Variants in DCAF4 observed in about 807,000 individuals in gnomAD.
The protein encoded by DCAF4 is DDB1 and CUL4 associated factor 4.
A neutral mutation model predicts 60.9 loss-of-function variants in DCAF4; 37 were observed. The ratio of observed to expected loss-of-function variants is 0.61; its 90% confidence interval spans 0.47 to 0.80. The LOEUF (loss-of-function observed/expected upper bound fraction) is 0.80. Ranked by LOEUF, DCAF4 falls within the 30% of genes least tolerant of loss-of-function variation. The pLI, the probability that DCAF4 is intolerant of heterozygous loss-of-function variation, is 0.00. For synonymous variants in DCAF4, 243 were observed against 254.8 expected (o/e 0.95, Z 0.44); for missense variants, 577 against 650.0 (o/e 0.89, Z 1.22).
At position 72,927,319 on chromosome 14, in the gene DCAF4, G is replaced by A. The variant is rs573764913; in HGVS notation, c.-9+776G>A. On this transcript the variant is annotated intron_variant, in intron 1 of 13. Transcript: ENST00000358377. ...CCAAACTCTGATTTTAAATAACGAT[G>A]GAAATTAGAGTCGCGGTGGTGTTCT... Among the ~76,000 whole-genome samples, 8 of 148,506 alleles carry A rather than the reference G, an allele frequency of 5.4e-5. No homozygotes were observed. In the East Asian group the frequency reaches 1.6e-3, roughly 30 times the overall value.
intron 9 of DCAF4, among the ~76,000 whole-genome samples, chr14:72,953,639 G>C (rs1211603956): frequency 7.0e-6 from 1 of 143,240 alleles, no homozygotes; most frequent in Non-Finnish European, 1.5e-5. Context: ...GAGCCTGGGA[G>C]GTTGAGGATG....
At chr14:72,952,848 C>T (rs369035983) in intron 9 of DCAF4, among the ~76,000 whole-genome samples, 1 of 151,434 alleles carries the variant, frequency 6.6e-6, no homozygotes, top group African/African-American at 2.4e-5. Flanking sequence ...GCGCACACCA[C>T]CACGCCCGGC....
chr14:72,929,820 G>T, intron 1 of DCAF4: 1 of 1,209,868 alleles, frequency 8.3e-7, no homozygotes, highest in Non-Finnish European at 1.2e-6. Flanking sequence ...CTACAAACTT[G>T]GTGCGTTTGC....
downstream of DCAF4, chr14:72,960,577 T>C: frequency 9.5e-7 from 1 of 1,049,632 alleles, no homozygotes; most frequent in Middle Eastern, 2.8e-4. Flanking sequence ...CAGTCTTCTG[T>C]ATTCTCTTTC....
rs758319103 is a variant in DCAF4, at chr14:72,956,417, G to A, written c.1211G>A (p.Cys404Tyr). ...CTGTGGGACCTGAGGACCACGAAGTGCGTAAGGCAGTACGAAGGCCACGTG... is the reference window on the plus strand; with the variant it reads ...CTGTGGGACCTGAGGACCACGAAGTACGTAAGGCAGTACGAAGGCCACGTG... ...IKLWDLRTTKCVRQYEGHVNE... is the reference protein window; with the variant it reads ...IKLWDLRTTKYVRQYEGHVNE... Residue 404 changes from cysteine (C) to tyrosine (Y), a missense_variant, in exon 13 of 14, where the codon TGC (cysteine) becomes TAC (tyrosine). By Grantham distance (194) the Cys-to-Tyr change is radical. Transcript: ENST00000358377. 3 of 1,613,074 alleles carry A rather than the reference G, an allele frequency of 1.9e-6. No individual in the cohort carries two copies. Among genetic ancestry groups the A allele is most frequent in the Non-Finnish European group, 8.5e-7 (1 of 1,179,512 alleles).
intron 2 of DCAF4, among the ~76,000 whole-genome samples, chr14:72,939,080 G>A (rs1269461454): frequency 6.6e-6 from 1 of 152,104 alleles, no homozygotes; most frequent in African/African-American, 2.4e-5. Context: ...TGGGCCGGGT[G>A]TGGTGGCTGA....
chr14:72,937,821 C>A, intron 1 of DCAF4, 150 bp from the exon 2 acceptor site: 1 of 1,233,128 alleles, frequency 8.1e-7, no homozygotes, highest in Non-Finnish European at 1.1e-6. Context: ...CAGCCCTTCC[C>A]AGGTAAGGCT....
chr14:72,954,437 C>G lies in DCAF4; in HGVS notation c.959C>G (p.Ser320Cys). Residue 320 changes from serine (S) to cysteine (C), a missense_variant, in exon 11 of 14, where the codon TCC becomes TGC. By Grantham distance (112) the Ser-to-Cys change is moderately radical. Transcript: ENST00000358377. Reference sequence around the variant, plus strand: ...AACGTGGTGACGGGACACCGGCAGTCCTTTGGGACCAACAGTGATGTCTTG... The same window carrying G: ...AACGTGGTGACGGGACACCGGCAGTGCTTTGGGACCAACAGTGATGTCTTG... ...LTNVVTGHRQ[S>C]FGTNSDVLAQ... 6.2e-7 allele frequency: 1 copy of G among 1,614,210 alleles called. No individual in the cohort carries two copies.
intron 1 of DCAF4, chr14:72,926,775 C>G (rs1255382532): frequency 6.6e-6 from 1 of 152,362 alleles, no homozygotes; most frequent in Non-Finnish European, 1.5e-5. Flanking sequence ...CGGATCAGTG[C>G]TGCAACCGTA....
At chr14:72,927,343 CTTTTTTTTTTTTTTTTTTT>C (rs547199942) in intron 1 of DCAF4, among the ~76,000 whole-genome samples, 1 of 87,354 alleles carries the variant, frequency 1.1e-5, no homozygotes, top group East Asian at 3.4e-4. Context: ...CGGTGGTGTT[CTTTTTTTTTTTTTTTTTTT>C]TTTTTTTTTG....
intron 1 of DCAF4, among the ~76,000 whole-genome samples, chr14:72,928,144 G>A (rs1259106518): frequency 7.3e-6 from 1 of 137,428 alleles, no homozygotes; most frequent in Non-Finnish European, 1.5e-5. Context: ...AGTGGCGTTA[G>A]CGTTTTGCAC....
intron 1 of DCAF4, among the ~76,000 whole-genome samples, chr14:72,937,584 C>G (rs1277924456): frequency 1.3e-5 from 2 of 151,872 alleles, no homozygotes; most frequent in Non-Finnish European, 2.9e-5. Flanking sequence ...CAACTCCCGG[C>G]TAATTTTTGT....
At position 72,951,295 on chromosome 14, in the gene DCAF4, T is replaced by C. The variant is rs535510889; in HGVS notation, c.729-503T>C. Among the ~76,000 whole-genome samples, 417 of 152,254 alleles carry C rather than the reference T, an allele frequency of 2.7e-3. 3 individuals are homozygous for C. Among genetic ancestry groups the C allele is most frequent in the African/African-American group, 8.7e-3 (363 of 41,550 alleles). On this transcript the variant is annotated intron_variant, in intron 8 of 13. Coordinates refer to ENST00000358377, the MANE Select transcript of DCAF4 (RefSeq NM_015604.4). ...ACCACACCCAGCTTTTAACTATATC[T>C]GATTTGTTTTTCCCTTTAAAAAACA...
Position 72,941,819 on chromosome 14 carries a change from C to G in DCAF4, c.426C>G (p.Tyr142Ter). The G allele has an allele frequency of 6.2e-7, 1 of 1,613,982 alleles. No homozygotes were observed. ...TGGGTTTTCTCAACGTCACCAATTA[C>G]TGCCAGTAAGACAATGCCTCTTTGT... Reference protein sequence around the residue: ...SQLGFLNVTNYCHLAHELRLS... With the variant: ...SQLGFLNVTN Residue 142 changes from tyrosine (Y) to a stop codon, truncating the protein, a stop_gained, in exon 5 of 14, where the codon TAC becomes TAG. Coordinates refer to ENST00000358377, the MANE Select transcript of DCAF4 (RefSeq NM_015604.4). LOFTEE classifies it high-confidence loss of function.
intron 9 of DCAF4, among the ~76,000 whole-genome samples, chr14:72,953,732 AATATATATATATATATATATAT>A (rs71109769): frequency 1.4e-4 from 3 of 21,778 alleles, no homozygotes; most frequent in African/African-American, 7.0e-4. Flanking sequence ...AAAAAAAAAA[AATATATATATATATATATATAT>A]ATATATATAG....
At position 72,955,987 on chromosome 14, in the gene DCAF4, A is replaced by G. The variant is rs568850050; in HGVS notation, c.1179+291A>G. On this transcript the variant is annotated intron_variant, in intron 12 of 13. Transcript: ENST00000358377. Reference sequence around the variant, plus strand: ...GCCCGGGCTGGAGTGCAGTGGTACTATCTTGGCTTACTGCAACCTCTGTCT... The same window carrying G: ...GCCCGGGCTGGAGTGCAGTGGTACTGTCTTGGCTTACTGCAACCTCTGTCT... 1.6e-4 allele frequency among the ~76,000 whole-genome samples: 19 copies of G among 121,564 alleles called. No individual in the cohort carries two copies. In the South Asian group the frequency reaches 3.5e-3, roughly 23 times the overall value. 79.8% of individuals were successfully genotyped at this position (121,564 alleles called of 152,430 possible). A position where few individuals can be genotyped will look rare whatever the true frequency, so the allele number is the denominator to read the frequency against.
At position 72,940,589 on chromosome 14, in the gene DCAF4, TTG is replaced by T. The variant is rs202156671; in HGVS notation, c.351+214_351+215del. 4.3e-3 allele frequency: 1,176 copies of T among 271,786 alleles called. 12 individuals carry two copies. The highest frequency in any genetic ancestry group is 8.6e-3 in the South Asian group (166 of 19,334). 16.8% of individuals were successfully genotyped at this position (271,786 alleles called of 1,614,324 possible). ...CATCCCCGTTTTCTTGTTCGATAAG[TTG>T]TTTTTTTTTTTTTTTTTGAGGCGGA... On this transcript the variant is annotated intron_variant, in intron 4 of 13. Transcript: ENST00000358377.
At chr14:72,955,841 T>G (rs1264238844) in intron 12 of DCAF4, 145 bp downstream of exon 12, 1 of 717,594 alleles carries the variant, frequency 1.4e-6, no homozygotes, top group African/African-American at 1.8e-5. Context: ...AGGCCCTGCA[T>G]GGGGACTGCT....
intron 1 of DCAF4, chr14:72,930,022 C>G: frequency 5.2e-6 from 3 of 581,130 alleles, no homozygotes; most frequent in Non-Finnish European, 9.1e-6. Flanking sequence ...ATTCCGGCTA[C>G]TCCGAGGTTG....
Sources: allele counts gnomAD v4.1 joint callset (sites outside exome capture counted in the v4.1 genomes callset), GRCh38; gene constraint gnomAD v4.1.1; transcripts MANE v1.5; gene names NCBI Gene and HGNC (gene_info 2026-07-23, HGNC 2026-07-21).